The following LGMN variants were observed in gnomAD, a reference collection of about 807,000 sequenced individuals.
LGMN encodes asparaginyl endopeptidase.
Under a neutral mutation model 56.8 loss-of-function variants are expected in LGMN, and 36 were observed. The ratio of observed to expected loss-of-function variants is 0.63; its 90% CI spans 0.49 to 0.84. The LOEUF is 0.84. LGMN is among the 40% of genes least tolerant of loss of function. The pLI, the probability that LGMN is intolerant of heterozygous loss-of-function variation, is 0.00. For synonymous variants in LGMN, 199 were observed against 210.1 expected, an observed-to-expected ratio of 0.95 and a Z score of 0.46; for missense variants, 446 against 556.1, an observed-to-expected ratio of 0.80 and a Z score of 1.99.
intron 1 of LGMN, 48 bp from the exon 2 acceptor site, chr14:92,732,863 A>C: frequency 6.7e-7 from 1 of 1,494,426 alleles, no homozygotes; most frequent in Non-Finnish European, 9.1e-7. Flanking sequence ...AGAACTGATA[A>C]ACATTGGCTG....
At chr14:92,719,304 C>T (rs1375565606) in intron 2 of LGMN, among the ~76,000 whole-genome samples, 5 of 90,992 alleles carry the variant, frequency 5.5e-5, no homozygotes, top group South Asian at 4.7e-4. Context: ...CCGCCGCCAC[C>T]GCCGCCACCG....
intron 2 of LGMN, among the ~76,000 whole-genome samples, chr14:92,722,275 T>A (rs186441564): frequency 1.3e-5 from 2 of 152,188 alleles, no homozygotes; most frequent in African/African-American, 4.8e-5. Flanking sequence ...GCCATTTAAT[T>A]TAAAAATGAA....
At chr14:92,720,896 T>C (rs1001451040) in intron 2 of LGMN, among the ~76,000 whole-genome samples, 1 of 150,902 alleles carries the variant, frequency 6.6e-6, no homozygotes, top group Non-Finnish European at 1.5e-5. Flanking sequence ...TTTGTTTTTG[T>C]TTTTGTTTTT....
At chr14:92,739,975 G>A (rs1024587251) in intron 1 of LGMN, among the ~76,000 whole-genome samples, 2 of 152,180 alleles carry the variant, frequency 1.3e-5, no homozygotes, top group Non-Finnish European at 2.9e-5. Flanking sequence ...TCCCAGCTGG[G>A]CACGGTGGCT....
chr14:92,718,952 C>T (rs575311763), intron 2 of LGMN, 108 bp from the exon 3 acceptor site: 18 of 658,792 alleles, frequency 2.7e-5, no homozygotes, highest in Admixed American at 4.8e-5. Flanking sequence ...TGAATCATCC[C>T]GTCGGTCAGG....
chr14:92,707,310 G>A (rs1289555166), intron 11 of LGMN, among the ~76,000 whole-genome samples: 1 of 151,546 alleles, frequency 6.6e-6, no homozygotes, highest in Non-Finnish European at 1.5e-5. Context: ...TCCAGCCAGG[G>A]TTTGCTTGCT....
intron 2 of LGMN, among the ~76,000 whole-genome samples, chr14:92,722,239 A>G (rs924517148): frequency 6.6e-6 from 1 of 151,980 alleles, no homozygotes; most frequent in African/African-American, 2.4e-5. Context: ...TAAGGTGTAC[A>G]CATGTTATAC....
Position 92,714,478 on chromosome 14 carries a change from C to A in LGMN, c.405-27G>T, listed in dbSNP as rs755332447. ...TGCCAAGAAGGAATCGGGGGTCAAT[C>A]ATTTCCTTTTTCTGTTTTTACTTCT... On this transcript the variant is annotated intron_variant, in intron 5 of 13. Coordinates refer to ENST00000334869, the MANE Select transcript of LGMN (RefSeq NM_005606.7). The surrounding 1 kb of genome is among the most constrained non-coding windows in gnomAD (Gnocchi z 5.1). The A allele has an allele frequency of 2.0e-6, 3 of 1,498,648 alleles. No homozygotes were observed. The South Asian group carries it at 3.5e-5, about 17-fold the overall frequency. 92.8% of individuals were successfully genotyped at this position (1,498,648 alleles called of 1,614,324 possible).
chr14:92,713,934 G>C (rs1233565005), intron 6 of LGMN, 49 bp from the exon 7 acceptor site: 2 of 1,387,428 alleles, frequency 1.4e-6, no homozygotes, highest in Non-Finnish European at 2.1e-6. Context: ...GAAACTATTT[G>C]CTGGATAAGC....
intron 1 of LGMN, among the ~76,000 whole-genome samples, chr14:92,746,498 C>T (rs1854914839): frequency 6.6e-6 from 1 of 152,194 alleles, no homozygotes; most frequent in Non-Finnish European, 1.5e-5. Flanking sequence ...TTAGAGCTAT[C>T]AAATCTTTTC....
intron 11 of LGMN, among the ~76,000 whole-genome samples, chr14:92,708,914 A>ACATCCAT (rs1049807150): frequency 7.3e-5 from 11 of 149,976 alleles, no homozygotes; most frequent in Non-Finnish European, 1.5e-4. Flanking sequence ...ATATTTCAGC[A>ACATCCAT]CATCCATCAC....
In LGMN at chr14:92,717,905, G is replaced by A. The variant is rs569722359; in HGVS notation, c.237-444C>T. Among the ~76,000 whole-genome samples, 45 of 152,316 alleles carry A rather than the reference G, an allele frequency of 3.0e-4. No homozygotes were observed. In the South Asian group the frequency reaches 7.9e-3, roughly 27 times the overall value. On this transcript the variant is annotated intron_variant, in intron 3 of 13. Coordinates refer to ENST00000334869, the MANE Select transcript of LGMN (RefSeq NM_005606.7). ...AGAATGTGACCACAGTAAGGGTAGC[G>A]TCCTTCACCGCAGCAGGGTGACCAC...
intron 11 of LGMN, among the ~76,000 whole-genome samples, chr14:92,709,138 T>G (rs2140207259): frequency 6.6e-6 from 1 of 152,204 alleles, no homozygotes; most frequent in Non-Finnish European, 1.5e-5. Flanking sequence ...ATGACTATGT[T>G]TTTCTGAGAA....
intron 1 of LGMN, among the ~76,000 whole-genome samples, chr14:92,743,420 G>A (rs972427266): frequency 1.3e-5 from 2 of 149,352 alleles, no homozygotes; most frequent in African/African-American, 2.5e-5. Context: ...GGAGAATGGC[G>A]TGCACCCGGG....
chr14:92,728,824 C>A (rs942161274), intron 2 of LGMN, among the ~76,000 whole-genome samples: 9 of 152,162 alleles, frequency 5.9e-5, no homozygotes, highest in Admixed American at 2.6e-4. Context: ...AGTTACCCAG[C>A]CTTTCTGTGC....
At chr14:92,719,278 ACCGCCGCCGCCGCCGCCG>A (rs1225678781) in intron 2 of LGMN, among the ~76,000 whole-genome samples, 13 of 55,200 alleles carry the variant, frequency 2.4e-4, no homozygotes, top group African/African-American at 4.4e-4. Flanking sequence ...CGCCGCCGCC[ACCGCCGCCGCCGCCGCCG>A]CCGCCACCGC....
chr14:92,719,260 G>GCCACCACCGCCACCACCA (rs1188291041), intron 2 of LGMN, among the ~76,000 whole-genome samples: 1 of 12,544 alleles, frequency 8.0e-5, no homozygotes, highest in African/African-American at 3.3e-4. Flanking sequence ...CACCACCACC[G>GCCACCACCGCCACCACCA]CCACCGCCGC....
intron 11 of LGMN, among the ~76,000 whole-genome samples, chr14:92,707,355 T>C (rs1028035402): frequency 6.6e-6 from 1 of 152,058 alleles, no homozygotes; most frequent in East Asian, 1.9e-4. Context: ...CTCCACCCAC[T>C]GTGTGTTAGA....
chr14:92,725,306 T>C (rs1595548967), intron 2 of LGMN, among the ~76,000 whole-genome samples: 1 of 152,130 alleles, frequency 6.6e-6, no homozygotes, highest in African/African-American at 2.4e-5. Context: ...CTGAGCACTT[T>C]GGGAGGCTGA....
Sources: allele counts gnomAD v4.1 joint callset (sites outside exome capture counted in the v4.1 genomes callset), GRCh38; gene constraint gnomAD v4.1.1; non-coding constraint Gnocchi (gnomAD v3.1); transcripts MANE v1.5; gene names NCBI Gene and HGNC (gene_info 2026-07-23, HGNC 2026-07-21).